SPATS2: variants seen among roughly 807,000 people sequenced by gnomAD.
SPATS2 encodes spermatogenesis-associated serine-rich protein 2.
SPATS2 carries 38 observed loss-of-function variants against 63.7 expected under a neutral mutation model. That is an observed-to-expected ratio of 0.60 (90% CI 0.46 to 0.78). SPATS2 has a LOEUF of 0.78. SPATS2 is among the 30% of genes least tolerant of loss of function. The pLI is 0.00. For synonymous variants in SPATS2, 207 were observed against 232.9 expected (o/e 0.89, Z 1.01); for missense variants, 588 against 666.2 (o/e 0.88, Z 1.29).
In SPATS2 at chr12:49,367,600, G is replaced by A. The variant is rs1736604403; in HGVS notation, c.-307+13G>A. 2 of 397,700 alleles carry A rather than the reference G, an allele frequency of 5.0e-6. No individual in the cohort carries two copies. Among genetic ancestry groups the A allele is most frequent in the Admixed American group, 4.4e-5 (1 of 22,622 alleles). 24.6% of individuals were successfully genotyped at this position (397,700 alleles called of 1,614,324 possible). A position where few individuals can be genotyped will look rare whatever the true frequency, so the allele number is the denominator to read the frequency against. ...GGGCCTGGGCTAGGTGAGGCTAAGG[G>A]TGCTGGGTGGCGGGGTTGGCGGGGG... On this transcript the variant is annotated intron_variant, in intron 1 of 13. Coordinates refer to ENST00000552918, the MANE Select transcript of SPATS2 (RefSeq NM_023071.4).
intron 2 of SPATS2, among the ~76,000 whole-genome samples, chr12:49,392,731 A>G (rs1944439948): frequency 6.6e-6 from 1 of 151,920 alleles, no homozygotes; most frequent in Non-Finnish European, 1.5e-5. Context: ...CAAACAAACA[A>G]AAAGAAATAT....
chr12:49,432,493 A>G (rs1355226142), intron 2 of SPATS2, among the ~76,000 whole-genome samples: 3 of 152,184 alleles, frequency 2.0e-5, no homozygotes, highest in East Asian at 1.9e-4. Context: ...ACATATGTAA[A>G]TGAAAGTTCA....
intron 7 of SPATS2, among the ~76,000 whole-genome samples, chr12:49,496,137 AAGACTT>A (rs1386115540): frequency 1.3e-5 from 2 of 152,234 alleles, no homozygotes; most frequent in Non-Finnish European, 2.9e-5. Context: ...TACACAAAAA[AAGACTT>A]AGAGAAAAAC....
At chr12:49,417,883 T>C (rs558294944) in intron 2 of SPATS2, among the ~76,000 whole-genome samples, 1 of 152,298 alleles carries the variant, frequency 6.6e-6, no homozygotes, top group South Asian at 2.1e-4. Context: ...TTAGCATGTA[T>C]GTGTTTATGT....
intron 3 of SPATS2, among the ~76,000 whole-genome samples, chr12:49,477,102 T>TA (rs550575980): frequency 2.4e-3 from 325 of 136,710 alleles, no homozygotes; most frequent in South Asian, 0.014. Flanking sequence ...AAACTCCTCT[T>TA]AAAAAAAAAA....
intron 2 of SPATS2, chr12:49,390,270 T>G (rs1363866470): frequency 1.6e-6 from 1 of 619,434 alleles, no homozygotes; most frequent in Non-Finnish European, 2.7e-6. Context: ...TCTTTAAATA[T>G]GTACAGTGTA....
At chr12:49,519,489 A>G (rs1946902319) in intron 11 of SPATS2, among the ~76,000 whole-genome samples, 1 of 152,122 alleles carries the variant, frequency 6.6e-6, no homozygotes, top group Admixed American at 6.6e-5. Flanking sequence ...GGTTACCACC[A>G]TCTCTTGCCT....
chr12:49,462,140 C>G (rs1408832935), intron 3 of SPATS2: 8 of 581,688 alleles, frequency 1.4e-5, no homozygotes, highest in Non-Finnish European at 2.4e-5. Context: ...CTTTTTAAAA[C>G]TAGAGAGTCT....
At chr12:49,478,090 T>G (rs1394874508) in intron 3 of SPATS2, among the ~76,000 whole-genome samples, 9 of 150,322 alleles carry the variant, frequency 6.0e-5, no homozygotes, top group Admixed American at 1.3e-4. Flanking sequence ...TCCTCTTGCC[T>G]CAGCCTCCCA....
intron 2 of SPATS2, among the ~76,000 whole-genome samples, chr12:49,395,886 A>G (rs1944500977): frequency 6.6e-6 from 1 of 152,164 alleles, no homozygotes; most frequent in Non-Finnish European, 1.5e-5. Context: ...GAAACTTTAT[A>G]CCCACTGAAT....
intron 8 of SPATS2, among the ~76,000 whole-genome samples, chr12:49,497,898 C>CA (rs1946491097): frequency 6.6e-6 from 1 of 151,678 alleles, no homozygotes; most frequent in South Asian, 2.1e-4. Context: ...ATTCAGCAGA[C>CA]AGAGATAATA....
intron 3 of SPATS2, chr12:49,469,546 A>T: frequency 6.3e-6 from 2 of 316,700 alleles, no homozygotes; most frequent in South Asian, 4.8e-5. Context: ...GGTCTCTAAA[A>T]AAAAAAAAAA....
chr12:49,431,165 C>G (rs1945178200), intron 2 of SPATS2, among the ~76,000 whole-genome samples: 1 of 152,108 alleles, frequency 6.6e-6, no homozygotes, highest in Admixed American at 6.6e-5. Context: ...TCTATCCTTC[C>G]AGGTATACAG....
At chr12:49,499,545 C>A (rs1174895572) in intron 8 of SPATS2, among the ~76,000 whole-genome samples, 1 of 151,970 alleles carries the variant, frequency 6.6e-6, no homozygotes, top group Non-Finnish European at 1.5e-5. Flanking sequence ...TCAGAATCCT[C>A]TGTGGATCTC....
intron 3 of SPATS2, among the ~76,000 whole-genome samples, chr12:49,477,682 G>A (rs946682169): frequency 1.3e-5 from 2 of 152,094 alleles, no homozygotes; most frequent in African/African-American, 4.8e-5. Flanking sequence ...CATTTCAAAA[G>A]GCTACAATAG....
intron 9 of SPATS2, among the ~76,000 whole-genome samples, chr12:49,504,045 A>G (rs1380100122): frequency 6.6e-6 from 1 of 152,202 alleles, no homozygotes; most frequent in African/African-American, 2.4e-5. Context: ...TGTTCCTTGT[A>G]GCCGCTACTT....
At chr12:49,413,786 A>C (rs949904150) in intron 2 of SPATS2, among the ~76,000 whole-genome samples, 1 of 112,238 alleles carries the variant, frequency 8.9e-6, no homozygotes, top group African/African-American at 4.6e-5. Context: ...TGAACTAAAC[A>C]GACAGGGCAT....
intron 2 of SPATS2, among the ~76,000 whole-genome samples, chr12:49,388,208 ACTTTG>A (rs1018312535): frequency 5.3e-5 from 8 of 152,134 alleles, no homozygotes; most frequent in Non-Finnish European, 1.5e-5. Context: ...CCTCTGGCTT[ACTTTG>A]CTTTAAGTGT....
intron 2 of SPATS2, chr12:49,389,673 T>G (rs967740988): frequency 6.8e-7 from 1 of 1,462,250 alleles, no homozygotes; most frequent in Non-Finnish European, 9.6e-7. Context: ...ATTCAAGAGC[T>G]TAATGAAGTC....
Sources: allele counts gnomAD v4.1 joint callset (sites outside exome capture counted in the v4.1 genomes callset), GRCh38; gene constraint gnomAD v4.1.1; transcripts MANE v1.5; gene names NCBI Gene and HGNC (gene_info 2026-07-23, HGNC 2026-07-21).